KIF4A: variants seen among roughly 807,000 people sequenced by gnomAD.
KIF4A encodes chromosome-associated kinesin KIF4A.
KIF4A carries 7 observed loss-of-function variants against 105.9 expected under a neutral mutation model. The ratio of observed to expected loss-of-function variants is 0.07; its 90% confidence interval spans 0.04 to 0.12. The LOEUF (loss-of-function observed/expected upper bound fraction) is 0.12. Among genes scored for constraint, KIF4A ranks in the 10% least tolerant of loss-of-function variants. KIF4A has a pLI of 1.00. For missense variants in KIF4A, 558 were observed against 929.2 expected (o/e 0.60, Z 5.19); for synonymous variants, 281 against 331.3 (o/e 0.85, Z 1.65).
intron 13 of KIF4A, among the ~76,000 whole-genome samples, chrX:70,349,508 G>A (rs372268286): frequency 2.4e-3 from 245 of 100,733 alleles, no homozygotes; most frequent in African/African-American, 7.9e-3. Context: ...GGCGGCTGCC[G>A]GGCAGAGGCG....
At chrX:70,352,533 A>G (rs1334898286) in intron 13 of KIF4A, 67 bp from the exon 14 acceptor site, 1 of 811,323 alleles carries the variant, frequency 1.2e-6, no homozygotes, top group African/African-American at 2.0e-5. Flanking sequence ...TTAAATAACC[A>G]ATATAAAATC....
intron 18 of KIF4A, among the ~76,000 whole-genome samples, chrX:70,377,755 A>G (rs1470177183): frequency 3.6e-5 from 4 of 111,521 alleles, no homozygotes; most frequent in Non-Finnish European, 5.7e-5. Flanking sequence ...GGCCAACATG[A>G]TGAAACACCG....
chrX:70,409,328 G>C (rs2086312286), intron 28 of KIF4A, among the ~76,000 whole-genome samples: 1 of 112,198 alleles, frequency 8.9e-6, no homozygotes, highest in Non-Finnish European at 1.9e-5. Context: ...ACTTGAAGAT[G>C]GTAGTGGAAC....
intron 13 of KIF4A, among the ~76,000 whole-genome samples, chrX:70,349,327 GGTGCTCCTC>G (rs1369463871): frequency 3.2e-5 from 3 of 93,914 alleles, no homozygotes; most frequent in African/African-American, 8.1e-5. Context: ...GCCGGGCAGA[GGTGCTCCTC>G]ACTTCCCAGA....
rs1261852151 is a variant in KIF4A at position 70,415,337 on chromosome X, C to T, written c.3256-2551C>T. 1.1e-5 allele frequency: 3 copies of T among 275,201 alleles called. No individual in the cohort carries two copies. In the Admixed American group the frequency reaches 1.3e-4, roughly 12 times the overall value. The allele number at this position is 275,201 out of a possible 1,213,427, so 22.7% of individuals were successfully genotyped here. The stretch of plus-strand genomic sequence containing the variant: ...AAAAACTCTTATGTGTGGCTAGGTG[C>T]TGTTGCTCACGCCTGTAATCTCAGC... On this transcript the variant is annotated intron_variant, in intron 28 of 30. Transcript: ENST00000374403.
At chrX:70,342,070 C>A in intron 11 of KIF4A, 139 bp downstream of exon 11, 1 of 823,868 alleles carries the variant, frequency 1.2e-6, no homozygotes, top group Non-Finnish European at 1.7e-6. Context: ...TCCAGGGAGC[C>A]CCTCTGGGGT....
chrX:70,348,774 A>G (rs1294202010), intron 13 of KIF4A, among the ~76,000 whole-genome samples: 3 of 111,509 alleles, frequency 2.7e-5, no homozygotes, highest in Non-Finnish European at 5.7e-5. Context: ...CACAGTAACA[A>G]TCTGATCTCT....
chrX:70,401,620 C>T (rs1430206414), intron 22 of KIF4A, among the ~76,000 whole-genome samples: 3 of 110,111 alleles, frequency 2.7e-5, no homozygotes, highest in Non-Finnish European at 5.7e-5. Context: ...AGGCTGGTCT[C>T]GAACTCCTGA....
At chrX:70,368,640 G>A (rs1265732767) in intron 15 of KIF4A, among the ~76,000 whole-genome samples, 1 of 111,848 alleles carries the variant, frequency 8.9e-6, no homozygotes, top group Non-Finnish European at 1.9e-5. Context: ...CCGGCCGTGT[G>A]AGGTGTCAGT....
At position 70,411,989 on chromosome X, in the gene KIF4A, C is replaced by G. The variant is rs1042901652; in HGVS notation, c.3255+4914C>G. On this transcript the variant is annotated intron_variant, in intron 28 of 30. Coordinates refer to ENST00000374403, the MANE Select transcript of KIF4A (RefSeq NM_012310.5). ...CCAGCAGTTGTGATACACACACACA[C>G]ACACACACACACCACCCTGTATACA... is the stretch of plus-strand genomic sequence containing the variant. Among the ~76,000 whole-genome samples, 13 of 111,368 alleles carry G rather than the reference C, an allele frequency of 1.2e-4. No individual in the cohort carries two copies. In the East Asian group the frequency reaches 3.6e-3, roughly 31 times the overall value.
intron 15 of KIF4A, among the ~76,000 whole-genome samples, chrX:70,373,518 G>A (rs184465498): frequency 0.48 from 3,191 of 6,657 alleles, 1,064 homozygotes; most frequent in East Asian, 0.74. Flanking sequence ...ATACATGTGT[G>A]TGTATGTATA....
chrX:70,341,163 T>C (rs1434300218), intron 10 of KIF4A, among the ~76,000 whole-genome samples: 3 of 111,702 alleles, frequency 2.7e-5, no homozygotes, highest in Non-Finnish European at 3.8e-5. Flanking sequence ...AACAAGAGGC[T>C]ATGGGTCATA....
In KIF4A at chrX:70,420,371, G is replaced by A. The variant is rs781189631; in HGVS notation, c.*106G>A. 2.0e-5 allele frequency: 20 copies of A among 1,020,619 alleles called. No homozygotes were observed. In the South Asian group the frequency reaches 3.6e-4, roughly 18 times the overall value. 84.1% of individuals were successfully genotyped at this position (1,020,619 alleles called of 1,213,427 possible). On this transcript the variant is annotated 3_prime_UTR_variant, in exon 31 of 31. Transcript: ENST00000374403. ...TTCTCTGGATTTCAGGTTTCTTGCTGTTGAAAAAAGGAACAAAGCGTTACT... is the reference window on the plus strand; with the variant it reads ...TTCTCTGGATTTCAGGTTTCTTGCTATTGAAAAAAGGAACAAAGCGTTACT...
chrX:70,294,209 T>C (rs1229672889), intron 3 of KIF4A, among the ~76,000 whole-genome samples: 1 of 112,055 alleles, frequency 8.9e-6, no homozygotes, highest in African/African-American at 3.2e-5. Context: ...GGATCTTCAA[T>C]ATCACTGTCT....
rs777661411 is a variant in KIF4A at position 70,391,105 on chromosome X, A to C, written c.2232+3808A>C. On this transcript the variant is annotated intron_variant, in intron 20 of 30. Coordinates refer to ENST00000374403, the MANE Select transcript of KIF4A (RefSeq NM_012310.5). The stretch of plus-strand genomic sequence containing the variant: ...ATACACGTTTCTATGTAAACTAATT[A>C]TTTCACTTGGGTAAATACCTAAGAG... Among the ~76,000 whole-genome samples the C allele has an allele frequency of 4.5e-5, 5 of 112,191 alleles. No individual in the cohort carries two copies. In the South Asian group the frequency reaches 1.8e-3, roughly 41 times the overall value.
At chrX:70,333,021 C>T (rs2085936925) in intron 9 of KIF4A, among the ~76,000 whole-genome samples, 1 of 111,012 alleles carries the variant, frequency 9.0e-6, no homozygotes, top group Non-Finnish European at 1.9e-5. Flanking sequence ...TTGTCTAGCC[C>T]AGTGCTGAGA....
At chrX:70,364,078 G>C (rs913295146) in intron 15 of KIF4A, among the ~76,000 whole-genome samples, 1 of 112,174 alleles carries the variant, frequency 8.9e-6, no homozygotes, top group African/African-American at 3.2e-5. Context: ...ACCACTTGTT[G>C]ATGGGGTTGT....
At chrX:70,310,216 C>T (rs1171872903) in intron 7 of KIF4A, among the ~76,000 whole-genome samples, 1 of 110,719 alleles carries the variant, frequency 9.0e-6, no homozygotes, top group Non-Finnish European at 1.9e-5. Flanking sequence ...TCCATCCTTC[C>T]CCCATTCCAC....
At chrX:70,416,019 T>G (rs1220188863) in intron 28 of KIF4A, among the ~76,000 whole-genome samples, 1 of 108,971 alleles carries the variant, frequency 9.2e-6, no homozygotes, top group Admixed American at 9.9e-5. Context: ...AGGCATGCGC[T>G]ATGATGCCTG....
Sources: gnomAD v4.1 joint callset for allele counts (sites outside exome capture counted in the v4.1 genomes callset) on GRCh38, gnomAD v4.1.1 for gene constraint, MANE v1.5 for transcripts, NCBI Gene and HGNC (gene_info 2026-07-23, HGNC 2026-07-21) for gene names.